Variants in RELN observed in about 807,000 individuals in gnomAD.
RELN encodes the protein reelin.
In RELN, 108 loss-of-function variants were observed where a neutral mutation model predicts 427.6. The observed-to-expected ratio is 0.25, with a 90% CI of 0.22 to 0.30. The LOEUF is 0.30. RELN is among the 10% of genes least tolerant of loss of function. The pLI is 1.00. For missense variants in RELN, 3,715 were observed against 4,302.8 expected (o/e 0.86, Z 3.82); for synonymous variants, 1,524 against 1,513.4 (o/e 1.01, Z -0.16).
At chr7:103,667,542 T>C (rs1833297263) in intron 11 of RELN, among the ~76,000 whole-genome samples, 1 of 152,166 alleles carries the variant, frequency 6.6e-6, no homozygotes, top group African/African-American at 2.4e-5. Flanking sequence ...GGAAAATAAA[T>C]ATAATGTTTA....
intron 28 of RELN, among the ~76,000 whole-genome samples, chr7:103,588,349 T>C (rs1445528420): frequency 2.0e-5 from 3 of 151,952 alleles, no homozygotes; most frequent in Admixed American, 6.6e-5. Flanking sequence ...TACATGGAGA[T>C]AGAGACTGGA....
intron 57 of RELN, among the ~76,000 whole-genome samples, chr7:103,494,480 T>G (rs1380744613): frequency 6.6e-6 from 1 of 151,486 alleles, no homozygotes; most frequent in Non-Finnish European, 1.5e-5. Context: ...GCTCGAGTGA[T>G]TCTTGTGCCT....
chr7:103,496,027 C>T (rs557307913), intron 56 of RELN, 129 bp from the exon 57 acceptor site: 4 of 925,094 alleles, frequency 4.3e-6, no homozygotes, highest in East Asian at 5.1e-5. Flanking sequence ...GCTCTACTAG[C>T]TTTCTGCTTA....
At chr7:103,710,776 T>C (rs10268693) in intron 8 of RELN, among the ~76,000 whole-genome samples, 43,169 of 152,182 alleles carry the variant, frequency 0.28, 6,276 homozygotes, top group South Asian at 0.38. Context: ...CCGGGCGTGG[T>C]GGCTCATGCC....
At position 103,729,544 on chromosome 7, in the gene RELN, T is replaced by A. The variant is rs1584441757; in HGVS notation, c.657-1337A>T. ...TTAGAAAAAACATAAATAAATTTGA[T>A]ACAGAATTTGAAATGTTAGTATCTC... On this transcript the variant is annotated intron_variant, in intron 6 of 64. Transcript: ENST00000428762. 2.6e-5 allele frequency among the ~76,000 whole-genome samples: 4 copies of A among 152,182 alleles called. No individual in the cohort carries two copies. In the South Asian group the frequency reaches 8.3e-4, roughly 31 times the overall value.
chr7:103,574,332 T>G (rs1195602159), intron 29 of RELN, 33 bp from the exon 30 acceptor site: 1 of 1,580,710 alleles, frequency 6.3e-7, no homozygotes, highest in Non-Finnish European at 8.7e-7. Flanking sequence ...GAGAGATGCT[T>G]TGTTGGAATC....
intron 38 of RELN, among the ~76,000 whole-genome samples, chr7:103,555,886 G>C (rs1037134015): frequency 2.0e-5 from 3 of 152,108 alleles, no homozygotes; most frequent in African/African-American, 7.2e-5. Context: ...TAAGGAAATA[G>C]GTTAAATTTT....
chr7:103,698,129 C>T, intron 9 of RELN, 36 bp from the exon 10 acceptor site: 1 of 1,612,688 alleles, frequency 6.2e-7, no homozygotes, highest in Non-Finnish European at 8.5e-7. Context: ...TTTAGCAATG[C>T]TGACTTTTTC....
intron 1 of RELN, among the ~76,000 whole-genome samples, chr7:103,934,409 G>T (rs140190362): frequency 6.6e-6 from 1 of 152,062 alleles, no homozygotes; most frequent in African/African-American, 2.4e-5. Flanking sequence ...TACAGCTTAA[G>T]CCATAGCCAG....
intron 28 of RELN, among the ~76,000 whole-genome samples, chr7:103,585,390 A>G (rs1831246951): frequency 6.6e-6 from 1 of 152,192 alleles, no homozygotes; most frequent in Non-Finnish European, 1.5e-5. Context: ...GGTATCAGAG[A>G]AATAAAAAAG....
At chr7:103,561,086 A>G (rs558198230) in intron 36 of RELN, among the ~76,000 whole-genome samples, 111 of 152,348 alleles carry the variant, frequency 7.3e-4, no homozygotes, top group African/African-American at 2.6e-3. Context: ...ACAATGTTTG[A>G]GAATGCTATT....
chr7:103,633,757 C>T (rs942924082), intron 19 of RELN, among the ~76,000 whole-genome samples: 2 of 152,048 alleles, frequency 1.3e-5, no homozygotes, highest in Admixed American at 1.3e-4. Context: ...GTCCATCTTT[C>T]TTAGAAAAAA....
chr7:103,857,321 A>T (rs1404429), intron 2 of RELN, among the ~76,000 whole-genome samples: 21,657 of 152,092 alleles, frequency 0.14, 1,818 homozygotes, highest in East Asian at 0.34. Context: ...AGAGCACCAT[A>T]GCAGTATTGT....
intron 3 of RELN, among the ~76,000 whole-genome samples, chr7:103,795,057 A>G (rs79910641): frequency 0.012 from 1,836 of 152,320 alleles, 49 homozygotes; most frequent in African/African-American, 0.042. Flanking sequence ...CCTAATGCCA[A>G]CTAGTATTTT....
chr7:103,697,929 C>G lies in RELN; in HGVS notation c.1067G>C (p.Arg356Thr). ...DNILIINSAH[R>T]QVVLEDSLDP... ...GAGACTATCTTCTAAAACGACTTGT[C>G]TGTGAGCTGAATTGATGATCAAGAT... The change falls in exon 10 of 65, where the codon AGA (arginine) becomes ACA (threonine). Residue 356 changes from arginine (R) to threonine (T), a missense_variant. Around this residue, in one of 4 missense-constraint regions of RELN, gnomAD observed 2,208 missense variants for 2,361.7 expected, o/e 0.93. Coordinates refer to ENST00000428762, the MANE Select transcript of RELN (RefSeq NM_005045.4). 6.2e-7 allele frequency: 1 copy of G among 1,613,810 alleles called. No homozygotes were observed. Among genetic ancestry groups the G allele is most frequent in the Non-Finnish European group, 8.5e-7 (1 of 1,179,832 alleles).
At chr7:103,596,011 C>A (rs1831528703) in intron 25 of RELN, among the ~76,000 whole-genome samples, 1 of 152,100 alleles carries the variant, frequency 6.6e-6, no homozygotes, top group African/African-American at 2.4e-5. Context: ...GAGCTCTATA[C>A]ACTTACTCAT....
At chr7:103,505,369 G>A (rs549310296) in intron 51 of RELN, among the ~76,000 whole-genome samples, 1 of 152,276 alleles carries the variant, frequency 6.6e-6, no homozygotes, top group African/African-American at 2.4e-5. Flanking sequence ...TCCAGAGGAA[G>A]GAACAGGCAG....
rs765872977 is a variant in RELN at position 103,490,696 on chromosome 7, T to C, written c.9577A>G (p.Ile3193Val). Reference protein sequence around the residue: ...VNSSSWKRITIQLPDHVSSSA... With the variant: ...VNSSSWKRITVQLPDHVSSSA... ...GAGGAGACATGGTCAGGCAGCTGGA[T>C]GGTGATTCTTTTCCAGCTTGAGCTG... Residue 3193 changes from isoleucine to valine, a missense_variant, in exon 59 of 65, where the codon ATC (isoleucine) becomes GTC (valine). Physicochemically the swap from Ile to Val is conservative, Grantham distance 29 (BLOSUM62 3). Coordinates refer to ENST00000428762, the MANE Select transcript of RELN (RefSeq NM_005045.4). The C allele has an allele frequency of 1.2e-6, 2 of 1,614,166 alleles. No homozygotes were observed. Among genetic ancestry groups the C allele is most frequent in the Admixed American group, 3.3e-5 (2 of 60,022 alleles).
chr7:103,726,715 T>C (rs1035115772), intron 7 of RELN, among the ~76,000 whole-genome samples: 7 of 152,136 alleles, frequency 4.6e-5, no homozygotes, highest in Non-Finnish European at 1.0e-4. Context: ...AGACACCTTC[T>C]AAAACAGGCA....
Sources: allele counts gnomAD v4.1 joint callset (sites outside exome capture counted in the v4.1 genomes callset), GRCh38; gene constraint gnomAD v4.1.1; regional missense constraint gnomAD v4.1.1; transcripts MANE v1.5; gene names NCBI Gene and HGNC (gene_info 2026-07-23, HGNC 2026-07-21).